ARHGEF28: variants seen among roughly 807,000 people sequenced by gnomAD.
The protein encoded by ARHGEF28 is Rho guanine nucleotide exchange factor 28, also known as 190 kDa guanine nucleotide exchange factor.
A neutral mutation model predicts 206.6 loss-of-function variants in ARHGEF28; 152 were observed. That is an observed-to-expected ratio of 0.74 (90% confidence interval 0.64 to 0.84). The LOEUF is 0.84. Among genes scored for constraint, ARHGEF28 ranks in the 40% least tolerant of loss-of-function variants. The probability of loss-of-function intolerance (pLI) is 0.00; values close to 1 mark genes in which losing one functional copy is unlikely to be tolerated. For synonymous variants in ARHGEF28, 763 were observed against 776.4 expected (o/e 0.98, Z 0.29); for missense variants, 2,028 against 2,073.2 (o/e 0.98, Z 0.42).
In ARHGEF28 at chr5:73,834,574, G is replaced by C. The variant is rs923737682; in HGVS notation, c.1146+2115G>C. On this transcript the variant is annotated intron_variant, in intron 10 of 35. Coordinates refer to ENST00000513042, the MANE Select transcript of ARHGEF28 (RefSeq NM_001177693.2). The stretch of plus-strand genomic sequence containing the variant: ...TGTGTGTGTGTGTGTGTGTGTGTGT[G>C]CATGTGTGTGTTTGTGTGTGCAGGT... Among the ~76,000 whole-genome samples, 9 of 145,942 alleles carry C rather than the reference G, an allele frequency of 6.2e-5. No individual in the cohort carries two copies. In the Middle Eastern group the frequency reaches 0.01, roughly 169 times the overall value.
intron 2 of ARHGEF28, among the ~76,000 whole-genome samples, chr5:73,690,525 CAAAAAAAAAAAAAA>C (rs71615796): frequency 4.4e-3 from 103 of 23,376 alleles, no homozygotes; most frequent in African/African-American, 8.7e-3. Context: ...TCTGTCTTTA[CAAAAAAAAAAAAAA>C]AAAAAAAAAA....
At chr5:73,702,768 T>C (rs1205579381) in intron 2 of ARHGEF28, among the ~76,000 whole-genome samples, 1 of 152,228 alleles carries the variant, frequency 6.6e-6, no homozygotes, top group Non-Finnish European at 1.5e-5. Flanking sequence ...TAGATTTTGA[T>C]AGAGATATTT....
Position 73,806,387 on chromosome 5 carries a change from T to TAG in ARHGEF28, c.1024+10998_1024+10999dup, listed in dbSNP as rs1554065479. 1.6e-5 allele frequency among the ~76,000 whole-genome samples: 2 copies of TAG among 128,264 alleles called. 1 individual carries two copies. Among genetic ancestry groups the TAG allele is most frequent in the African/African-American group, 6.0e-5 (2 of 33,088 alleles). 84.1% of individuals were successfully genotyped at this position (128,264 alleles called of 152,430 possible). ...TCTATATATACTATATATAGATATATAGATATATATACATATATAGATATA... is the reference window on the plus strand; with the variant it reads ...TCTATATATACTATATATAGATATATAGAGATATATATACATATATAGATATA... On this transcript the variant is annotated intron_variant, in intron 9 of 35. Transcript: ENST00000513042.
intron 9 of ARHGEF28, 80 bp from the exon 10 acceptor site, chr5:73,832,258 T>C: frequency 6.7e-7 from 1 of 1,486,784 alleles, no homozygotes; most frequent in Non-Finnish European, 9.0e-7. Context: ...CTTTTTTTCT[T>C]ATGGTCTAAG....
intron 6 of ARHGEF28, 120 bp downstream of exon 6, chr5:73,776,816 G>A: frequency 1.2e-6 from 1 of 845,318 alleles, no homozygotes; most frequent in South Asian, 3.0e-5. Context: ...AACCTTGGGG[G>A]ACATGAAATT....
intron 13 of ARHGEF28, 31 bp from the exon 14 acceptor site, chr5:73,852,619 A>T: frequency 1.9e-6 from 3 of 1,609,926 alleles, no homozygotes; most frequent in Non-Finnish European, 2.5e-6. Context: ...TGTGTGCCTT[A>T]GTTTTCATTT....
chr5:73,659,760 G>A (rs948195041), intron 1 of ARHGEF28, among the ~76,000 whole-genome samples: 14 of 152,116 alleles, frequency 9.2e-5, no homozygotes, highest in African/African-American at 3.1e-4. Context: ...GTTTTCCAGT[G>A]CATATAAAAT....
chr5:73,839,816 G>T (rs931571841), intron 10 of ARHGEF28, among the ~76,000 whole-genome samples: 4 of 152,144 alleles, frequency 2.6e-5, no homozygotes, highest in Admixed American at 2.6e-4. Flanking sequence ...TGCACTTTAT[G>T]TAGCTTTATT....
chr5:73,767,136 G>A (rs1055223989), intron 4 of ARHGEF28, among the ~76,000 whole-genome samples: 1 of 152,270 alleles, frequency 6.6e-6, no homozygotes, highest in Non-Finnish European at 1.5e-5. Flanking sequence ...TGATTGTGAG[G>A]CCTCCCTAGC....
At chr5:73,710,848 G>C (rs1045442161) in intron 2 of ARHGEF28, among the ~76,000 whole-genome samples, 5 of 152,158 alleles carry the variant, frequency 3.3e-5, no homozygotes, top group African/African-American at 9.6e-5. Context: ...GACTACAGGT[G>C]TGTACCACCC....
At chr5:73,822,053 T>G (rs1167826066) in intron 9 of ARHGEF28, among the ~76,000 whole-genome samples, 3 of 152,198 alleles carry the variant, frequency 2.0e-5, no homozygotes, top group Non-Finnish European at 2.9e-5. Flanking sequence ...GTTTTCTTCT[T>G]CAATAATGTT....
intron 14 of ARHGEF28, 58 bp from the exon 15 acceptor site, chr5:73,857,598 C>T (rs1003730749): frequency 5.4e-5 from 81 of 1,507,684 alleles, no homozygotes; most frequent in Non-Finnish European, 6.6e-5. Context: ...TACACACACA[C>T]GTATATGCTA....
At chr5:73,890,128 G>T (rs1408687904) in intron 26 of ARHGEF28, among the ~76,000 whole-genome samples, 2 of 152,184 alleles carry the variant, frequency 1.3e-5, no homozygotes, top group South Asian at 2.1e-4. Context: ...TTCATCTCCA[G>T]TGTTTGTGCG....
At chr5:73,638,471 A>G (rs578167410) in intron 1 of ARHGEF28, among the ~76,000 whole-genome samples, 19 of 152,334 alleles carry the variant, frequency 1.2e-4, no homozygotes, top group Non-Finnish European at 2.2e-4. Context: ...TAATGTTTCA[A>G]TTGTTTGAGG....
intron 1 of ARHGEF28, among the ~76,000 whole-genome samples, chr5:73,676,401 A>G (rs1410064016): frequency 6.6e-6 from 1 of 152,066 alleles, no homozygotes; most frequent in Admixed American, 6.6e-5. Context: ...ACACCCAGCT[A>G]ATTTTTTGTA....
intron 1 of ARHGEF28, among the ~76,000 whole-genome samples, chr5:73,672,641 C>A (rs1220536134): frequency 6.6e-6 from 1 of 152,142 alleles, no homozygotes; most frequent in Admixed American, 6.6e-5. Context: ...AAATTGATAC[C>A]TTGGTAGGTC....
At chr5:73,866,538 G>A (rs1759719570) in intron 18 of ARHGEF28, among the ~76,000 whole-genome samples, 1 of 152,126 alleles carries the variant, frequency 6.6e-6, no homozygotes, top group Non-Finnish European at 1.5e-5. Flanking sequence ...ATAATTACCT[G>A]GTGTTTAATT....
intron 4 of ARHGEF28, among the ~76,000 whole-genome samples, chr5:73,755,094 C>T (rs1157141683): frequency 2.6e-5 from 4 of 151,422 alleles, no homozygotes; most frequent in Non-Finnish European, 4.4e-5. Context: ...AATACTTGAT[C>T]GTCTGGAGAT....
chr5:73,643,384 GAAGAA>G (rs1744241521), intron 1 of ARHGEF28, among the ~76,000 whole-genome samples: 1 of 152,158 alleles, frequency 6.6e-6, no homozygotes, highest in African/African-American at 2.4e-5. Context: ...AAAAATGAAT[GAAGAA>G]AAGAAAACAT....
Sources: gnomAD v4.1 joint callset for allele counts (sites outside exome capture counted in the v4.1 genomes callset) on GRCh38, gnomAD v4.1.1 for gene constraint, MANE v1.5 for transcripts, NCBI Gene and HGNC (gene_info 2026-07-23, HGNC 2026-07-21) for gene names.